The following SLC32A1 variants were observed in gnomAD, a reference collection of about 807,000 sequenced individuals.
The protein encoded by SLC32A1 is solute carrier family 32 member 1.
In SLC32A1, 8 loss-of-function variants were observed where a neutral mutation model predicts 35.5. The ratio of observed to expected loss-of-function variants is 0.23; its 90% CI spans 0.13 to 0.41. The LOEUF is 0.41. Among genes scored for constraint, SLC32A1 ranks in the 10% least tolerant of loss-of-function variants. SLC32A1 has a pLI of 1.00. For missense variants in SLC32A1, 493 were observed against 722.3 expected, an observed-to-expected ratio of 0.68 and a Z score of 3.64; for synonymous variants, 317 against 326.3, an observed-to-expected ratio of 0.97 and a Z score of 0.31.
At position 38,728,381 on chromosome 20, in the gene SLC32A1, C is replaced by T; in HGVS notation, c.1320C>T (p.Val440=). 1.9e-6 allele frequency: 3 copies of T among 1,610,942 alleles called. No homozygotes were observed. Among genetic ancestry groups the T allele is most frequent in the East Asian group, 2.2e-5 (1 of 44,830 alleles). The change falls in exon 2 of 2, where the codon GTC becomes GTT. Residue 440 remains valine (V), a synonymous_variant. Transcript: ENST00000217420. ...SWGLTLRCAL[V]VFTLLMAIYV... ...GGCTGACGCTGCGCTGCGCGCTCGTCGTCTTCACGCTGCTCATGGCCATTT... is the reference window on the plus strand; with the variant it reads ...GGCTGACGCTGCGCTGCGCGCTCGTTGTCTTCACGCTGCTCATGGCCATTT...
chr20:38,727,671 C>A lies in SLC32A1; in HGVS notation c.610C>A (p.Arg204=). The change falls in exon 2 of 2, where the codon CGA becomes AGA. Residue 204 remains arginine, a synonymous_variant. Coordinates refer to ENST00000217420, the MANE Select transcript of SLC32A1 (RefSeq NM_080552.3). ...CAPRFPTLGG[R]VVNVAQIIEL... ...CCCGCGCTTCCCAACGCTGGGCGGC[C>A]GAGTGGTGAACGTAGCGCAGATCAT... 1 of 1,614,134 alleles carries A rather than the reference C, an allele frequency of 6.2e-7. No individual in the cohort carries two copies. The highest frequency in any genetic ancestry group is 1.7e-5 in the Admixed American group (1 of 60,022).
intron 1 of SLC32A1, 98 bp from the exon 2 acceptor site, chr20:38,727,354 C>T: frequency 8.6e-7 from 1 of 1,166,432 alleles, no homozygotes; most frequent in African/African-American, 1.5e-5. Context: ...GTCCTTAGCG[C>T]CCCCTTCGGG....
chr20:38,728,045 C>T lies in SLC32A1; in HGVS notation c.984C>T (p.Gly328=), dbSNP rs1378969247. The change falls in exon 2 of 2, where the codon GGC becomes GGT. Residue 328 remains glycine, a synonymous_variant. Transcript: ENST00000217420. ...AGATCTTCCTGCCTTCGCTGGAGGGCAATATGCAGCAGCCCAGCGAGTTCC... is the reference window on the plus strand; with the variant it reads ...AGATCTTCCTGCCTTCGCTGGAGGGTAATATGCAGCAGCCCAGCGAGTTCC... The part of the protein sequence containing the change: ...TSQIFLPSLE[G]NMQQPSEFHC... 2.5e-6 allele frequency: 4 copies of T among 1,614,040 alleles called. No homozygotes were observed. The highest frequency in any genetic ancestry group is 2.2e-5 in the East Asian group (1 of 44,882).
At position 38,727,557 on chromosome 20, in the gene SLC32A1, C is replaced by G; in HGVS notation, c.496C>G (p.Leu166Val). ...AVVCCYTGKI[L>V]IACLYEENED... is the part of the protein sequence containing the mutation. ...TGTGTGCTGCTACACCGGCAAGATC[C>G]TCATCGCGTGCCTGTACGAGGAGAA... Residue 166 changes from leucine (L) to valine (V), a missense_variant, in exon 2 of 2, where the codon CTC (leucine) becomes GTC (valine). By Grantham distance (32) the Leu-to-Val change is conservative (BLOSUM62 1). Around this residue, in one of 4 missense-constraint regions of SLC32A1, gnomAD observed 45 missense variants for 91.1 expected, o/e 0.49. Coordinates refer to ENST00000217420, the MANE Select transcript of SLC32A1 (RefSeq NM_080552.3). The G allele has an allele frequency of 6.2e-7, 1 of 1,610,184 alleles. No homozygotes were observed. Among genetic ancestry groups the G allele is most frequent in the Non-Finnish European group, 8.5e-7 (1 of 1,180,024 alleles).
rs200060849 is a variant in SLC32A1 at position 38,727,958 on chromosome 20, C to A, written c.897C>A (p.Phe299Leu). ...ARDWAWEKVK[F>L]YIDVKKFPIS... Reference sequence around the variant, plus strand: ...ACTGGGCCTGGGAGAAGGTCAAGTTCTACATCGACGTCAAGAAGTTCCCCA... The same window carrying A: ...ACTGGGCCTGGGAGAAGGTCAAGTTATACATCGACGTCAAGAAGTTCCCCA... Residue 299 changes from phenylalanine to leucine, a missense_variant, in exon 2 of 2, where the codon TTC becomes TTA. By Grantham distance (22) the Phe-to-Leu change is conservative. Transcript: ENST00000217420. The A allele has an allele frequency of 6.2e-7, 1 of 1,614,138 alleles. No individual in the cohort carries two copies.
Position 38,728,398 on chromosome 20 carries a change from T to C in SLC32A1, c.1337T>C (p.Met446Thr). Residue 446 changes from methionine to threonine, a missense_variant, in exon 2 of 2, where the codon ATG (methionine) becomes ACG (threonine). Met to Thr is a moderately conservative substitution (Grantham distance 81, BLOSUM62 -1). Transcript: ENST00000217420. ...RCALVVFTLL[M>T]AIYVPHFALL... ...GCGCTCGTCGTCTTCACGCTGCTCA[T>C]GGCCATTTATGTGCCGCACTTCGCG... 2 of 1,610,764 alleles carry C rather than the reference T, an allele frequency of 1.2e-6. No individual in the cohort carries two copies. The highest frequency in any genetic ancestry group is 1.7e-6 in the Non-Finnish European group (2 of 1,178,886).
In SLC32A1 at chr20:38,724,756, A is replaced by G. The variant is rs2084267822; in HGVS notation, c.32A>G (p.Asn11Ser). The change falls in exon 1 of 2, where the codon AAC becomes AGC. Residue 11 changes from asparagine (N) to serine (S), a missense_variant. Asn to Ser is a conservative substitution (Grantham distance 46, BLOSUM62 1). Transcript: ENST00000217420. MATLLRSKLS[N>S]VATSVSNKSQ... ...ACCTTGCTCCGCAGCAAGCTGTCCA[A>G]CGTGGCCACGTCCGTGTCCAACAAG... The G allele has an allele frequency of 2.5e-6, 4 of 1,613,162 alleles. No individual in the cohort carries two copies. Among genetic ancestry groups the G allele is most frequent in the Non-Finnish European group, 3.4e-6 (4 of 1,179,882 alleles).
In SLC32A1 at chr20:38,728,972, G is replaced by A. The variant is rs2084289453; in HGVS notation, c.*333G>A. The A allele has an allele frequency of 3.4e-6, 1 of 291,722 alleles. No individual in the cohort carries two copies. The highest frequency in any genetic ancestry group is 6.4e-5 in the East Asian group (1 of 15,662). The allele number at this position is 291,722 out of a possible 1,614,324, so 18.1% of individuals were successfully genotyped here. Reference sequence around the variant, plus strand: ...CGAGGGGGTTGGGAAGGGAGGGAGAGGGGGCGCAGCTCGCAGGCGTGGCAA... The same window carrying A: ...CGAGGGGGTTGGGAAGGGAGGGAGAAGGGGCGCAGCTCGCAGGCGTGGCAA... On this transcript the variant is annotated 3_prime_UTR_variant, in exon 2 of 2. Transcript: ENST00000217420.
In SLC32A1 at chr20:38,728,403, A is replaced by G. The variant is rs2084286688; in HGVS notation, c.1342A>G (p.Ile448Val). Residue 448 changes from isoleucine to valine, a missense_variant, in exon 2 of 2, where the codon ATT (isoleucine) becomes GTT (valine). Around this residue, in one of 4 missense-constraint regions of SLC32A1, gnomAD observed 269 missense variants for 445.6 expected, o/e 0.60. Coordinates refer to ENST00000217420, the MANE Select transcript of SLC32A1 (RefSeq NM_080552.3). ...ALVVFTLLMA[I>V]YVPHFALLMG... ...CGTCGTCTTCACGCTGCTCATGGCC[A>G]TTTATGTGCCGCACTTCGCGCTGCT... 6.2e-7 allele frequency: 1 copy of G among 1,610,422 alleles called. No homozygotes were observed. Among genetic ancestry groups the G allele is most frequent in the East Asian group, 2.2e-5 (1 of 44,818 alleles).
Position 38,727,552 on chromosome 20 carries a change from A to G in SLC32A1, c.491A>G (p.Lys164Arg). 2.5e-6 allele frequency: 4 copies of G among 1,610,028 alleles called. No homozygotes were observed. Among genetic ancestry groups the G allele is most frequent in the Non-Finnish European group, 3.4e-6 (4 of 1,180,024 alleles). ...GCCGTTGTGTGCTGCTACACCGGCA[A>G]GATCCTCATCGCGTGCCTGTACGAG... ...FAAVVCCYTG[K>R]ILIACLYEEN... Residue 164 changes from lysine (K) to arginine (R), a missense_variant, in exon 2 of 2, where the codon AAG becomes AGG. Around this residue, in one of 4 missense-constraint regions of SLC32A1, gnomAD observed 45 missense variants for 91.1 expected, o/e 0.49. Coordinates refer to ENST00000217420, the MANE Select transcript of SLC32A1 (RefSeq NM_080552.3).
chr20:38,724,671 G>T lies in SLC32A1; in HGVS notation c.-54G>T, dbSNP rs551955733. 9 of 1,532,398 alleles carry T rather than the reference G, an allele frequency of 5.9e-6. No homozygotes were observed. The highest frequency in any genetic ancestry group is 7.9e-6 in the Non-Finnish European group (9 of 1,144,328). 94.9% of individuals were successfully genotyped at this position (1,532,398 alleles called of 1,614,324 possible). ...CCCCCAGCCCTCGCCTTCTTGCATC[G>T]CGTTCCCCGCATCCTCGGGTCCTTC... On this transcript the variant is annotated 5_prime_UTR_variant, in exon 1 of 2. Coordinates refer to ENST00000217420, the MANE Select transcript of SLC32A1 (RefSeq NM_080552.3).
rs770433566 is a variant in SLC32A1, at chr20:38,725,048, C to T, written c.324C>T (p.Phe108=). Residue 108 remains phenylalanine, a synonymous_variant, in exon 1 of 2, where the codon TTC becomes TTT. Coordinates refer to ENST00000217420, the MANE Select transcript of SLC32A1 (RefSeq NM_080552.3). ...SKDQVGGGGE[F]GGHDKPKITA... is the part of the protein sequence containing the mutation. The stretch of plus-strand genomic sequence containing the variant: ...ACCAGGTGGGAGGTGGTGGCGAATT[C>T]GGGGGCCACGACAAGCCCAAAATCA... 3.3e-6 allele frequency: 5 copies of T among 1,529,030 alleles called. No homozygotes were observed. The highest frequency in any genetic ancestry group is 1.8e-4 in the Middle Eastern group (1 of 5,668). The allele number at this position is 1,529,030 out of a possible 1,614,324, so 94.7% of individuals were successfully genotyped here. A position where few individuals can be genotyped will look rare whatever the true frequency, so the allele number is the denominator to read the frequency against.
rs2084275866 is a variant in SLC32A1 at position 38,726,299 on chromosome 20, G to A, written c.391-1153G>A. On this transcript the variant is annotated intron_variant, in intron 1 of 1. Coordinates refer to ENST00000217420, the MANE Select transcript of SLC32A1 (RefSeq NM_080552.3). The surrounding 1 kb of genome is among the most constrained non-coding windows in gnomAD (Gnocchi z 4.7). ...CCTCCCAGGGGTTGTTCCATGTATC[G>A]GGGTAAGCAGGACTCCACCGGGCCC... is the stretch of plus-strand genomic sequence containing the variant. Among the ~76,000 whole-genome samples, 2 of 152,044 alleles carry A rather than the reference G, an allele frequency of 1.3e-5. No homozygotes were observed. The highest frequency in any genetic ancestry group is 4.1e-4 in the South Asian group (2 of 4,824).
Position 38,727,608 on chromosome 20 carries a change from C to T in SLC32A1, c.547C>T (p.Arg183Trp). Residue 183 changes from arginine to tryptophan, a missense_variant, in exon 2 of 2, where the codon CGG becomes TGG. Transcript: ENST00000217420. ...ENEDGEVVRV[R>W]DSYVAIANAC... ...TGAAGACGGCGAGGTGGTGCGCGTG[C>T]GGGACTCGTACGTGGCCATAGCCAA... is the stretch of plus-strand genomic sequence containing the variant. The T allele has an allele frequency of 6.2e-7, 1 of 1,612,986 alleles. No homozygotes were observed.
chr20:38,725,263 G>A, intron 1 of SLC32A1, 149 bp downstream of exon 1: 1 of 1,071,024 alleles, frequency 9.3e-7, no homozygotes, highest in Non-Finnish European at 1.2e-6. Flanking sequence ...CCAGCCCTGC[G>A]CGGGGACCTA....
intron 1 of SLC32A1, 90 bp from the exon 2 acceptor site, chr20:38,727,362 G>C: frequency 7.9e-7 from 1 of 1,262,350 alleles, no homozygotes; most frequent in Non-Finnish European, 1.1e-6. Flanking sequence ...CGCCCCCTTC[G>C]GGCCACAGCG....
chr20:38,727,662 C>T lies in SLC32A1; in HGVS notation c.601C>T (p.Leu201=), dbSNP rs1257018944. ...NACCAPRFPT[L]GGRVVNVAQI... is the part of the protein sequence containing the mutation. ...CTGCTGCGCCCCGCGCTTCCCAACGCTGGGCGGCCGAGTGGTGAACGTAGC... is the reference window on the plus strand; with the variant it reads ...CTGCTGCGCCCCGCGCTTCCCAACGTTGGGCGGCCGAGTGGTGAACGTAGC... The change falls in exon 2 of 2, where the codon CTG becomes TTG. Residue 201 remains leucine, a synonymous_variant. Transcript: ENST00000217420. The T allele has an allele frequency of 6.2e-7, 1 of 1,614,078 alleles. No homozygotes were observed. The highest frequency in any genetic ancestry group is 8.5e-7 in the Non-Finnish European group (1 of 1,180,058).
Position 38,727,602 on chromosome 20 carries a change from C to T in SLC32A1, c.541C>T (p.Arg181Cys). 1.2e-6 allele frequency: 2 copies of T among 1,612,668 alleles called. No homozygotes were observed. Among genetic ancestry groups the T allele is most frequent in the Non-Finnish European group, 1.7e-6 (2 of 1,180,038 alleles). ...GGAGAATGAAGACGGCGAGGTGGTGCGCGTGCGGGACTCGTACGTGGCCAT... is the reference window on the plus strand; with the variant it reads ...GGAGAATGAAGACGGCGAGGTGGTGTGCGTGCGGGACTCGTACGTGGCCAT... ...YEENEDGEVV[R>C]VRDSYVAIAN... The change falls in exon 2 of 2, where the codon CGC (arginine) becomes TGC (cysteine). Residue 181 changes from arginine (R) to cysteine (C), a missense_variant. Coordinates refer to ENST00000217420, the MANE Select transcript of SLC32A1 (RefSeq NM_080552.3).
rs1164696042 is a variant in SLC32A1, at chr20:38,727,700, G to A, written c.639G>A (p.Glu213=). Residue 213 remains glutamate (E), a synonymous_variant, in exon 2 of 2, where the codon GAG becomes GAA. Coordinates refer to ENST00000217420, the MANE Select transcript of SLC32A1 (RefSeq NM_080552.3). ...GRVVNVAQII[E]LVMTCILYVV... Reference sequence around the variant, plus strand: ...TGGTGAACGTAGCGCAGATCATCGAGCTGGTGATGACGTGCATCCTGTACG... The same window carrying A: ...TGGTGAACGTAGCGCAGATCATCGAACTGGTGATGACGTGCATCCTGTACG... 2 of 1,614,232 alleles carry A rather than the reference G, an allele frequency of 1.2e-6. No individual in the cohort carries two copies. Among genetic ancestry groups the A allele is most frequent in the South Asian group, 2.2e-5 (2 of 91,084 alleles).
Sources: allele counts gnomAD v4.1 joint callset (sites outside exome capture counted in the v4.1 genomes callset), GRCh38; gene constraint gnomAD v4.1.1; regional missense constraint gnomAD v4.1.1; non-coding constraint Gnocchi (gnomAD v3.1); transcripts MANE v1.5; gene names NCBI Gene and HGNC (gene_info 2026-07-23, HGNC 2026-07-21).